NBEAL2: variants seen among roughly 807,000 people sequenced by gnomAD.
The protein encoded by NBEAL2 is neurobeachin like 2, also known as neurobeachin-like protein 2.
A neutral mutation model predicts 299.8 loss-of-function variants in NBEAL2; 160 were observed. That is an observed-to-expected ratio of 0.53 (90% CI 0.47 to 0.61). The LOEUF (loss-of-function observed/expected upper bound fraction) is 0.61, where lower values mean the gene tolerates loss of function less well. NBEAL2 is among the 20% of genes least tolerant of loss of function. The pLI is 0.00. For synonymous variants in NBEAL2, 1,493 were observed against 1,542.3 expected (o/e 0.97, Z 0.75); for missense variants, 3,112 against 3,649.0 (o/e 0.85, Z 3.79).
rs375739584 is a variant in NBEAL2, at chr3:46,999,880, C to G, written c.3790-9C>G. The G allele has an allele frequency of 1.2e-6, 2 of 1,602,202 alleles. No individual in the cohort carries two copies. The highest frequency in any genetic ancestry group is 2.7e-5 in the African/African-American group (2 of 74,762). On this transcript the variant is annotated splice_polypyrimidine_tract_variant and intron_variant, in intron 26 of 53. Transcript: ENST00000450053. ...GATGCGTCCTCACTTGCTGTGCTCT[C>G]GCCTGCAGCTTTTCCACCTCATCTA...
At chr3:47,007,428 A>G in intron 47 of NBEAL2, 78 bp downstream of exon 47, 1 of 1,552,840 alleles carries the variant, frequency 6.4e-7, no homozygotes, top group East Asian at 2.4e-5. Context: ...ATCAGAATGT[A>G]GGCCAGCTGC....
intron 1 of NBEAL2, among the ~76,000 whole-genome samples, chr3:46,980,972 G>T (rs1299500152): frequency 6.6e-6 from 1 of 152,214 alleles, no homozygotes; most frequent in Non-Finnish European, 1.5e-5. Context: ...CCATAAGGAG[G>T]CTGGCCCACT....
Position 47,005,286 on chromosome 3 carries a change from C to T in NBEAL2, c.6525C>T (p.Pro2175=). The T allele has an allele frequency of 6.2e-7, 1 of 1,613,066 alleles. No individual in the cohort carries two copies. The highest frequency in any genetic ancestry group is 8.5e-7 in the Non-Finnish European group (1 of 1,179,768). The part of the protein sequence containing the change: ...GVMHYLIRVE[P]FTSLHVQLQS... ...TGCACTACCTCATCCGCGTGGAGCC[C>T]TTCACCTCCCTGCACGTCCAGCTGC... Residue 2175 remains proline, a synonymous_variant, in exon 40 of 54, where the codon CCC becomes CCT. Transcript: ENST00000450053.
At position 47,001,342 on chromosome 3, in the gene NBEAL2, G is replaced by A; in HGVS notation, c.4548G>A (p.Leu1516=). 1.2e-6 allele frequency: 2 copies of A among 1,613,240 alleles called. No homozygotes were observed. The highest frequency in any genetic ancestry group is 1.7e-6 in the Non-Finnish European group (2 of 1,179,810). The change falls in exon 29 of 54, where the codon CTG becomes CTA. Residue 1516 remains leucine (L), a synonymous_variant. Transcript: ENST00000450053. The surrounding 1 kb of genome is among the most constrained non-coding windows in gnomAD (Gnocchi z 6.1). ...TCAAAGAGGCCCCCGTGGGGGTCCT[G>A]GCCAGCCTCACCCAGCAAGCGCTTT... ...TDIKEAPVGV[L]ASLTQQALWL...
At position 47,004,440 on chromosome 3, in the gene NBEAL2, C is replaced by T. The variant is rs373929403; in HGVS notation, c.6198+47C>T. 103 of 1,596,844 alleles carry T rather than the reference C, an allele frequency of 6.5e-5. No homozygotes were observed. In the African/African-American group the frequency reaches 9.4e-4, roughly 15 times the overall value. On this transcript the variant is annotated intron_variant, in intron 37 of 53. Transcript: ENST00000450053. This position sits in a 1 kb window ranked among gnomAD's most constrained non-coding sequence, Gnocchi z 5.0. ...GATGTGAAGTCGGGACCCTGAATCA[C>T]GGGGCAGTGCTGGACAGCCCACCTG... is the stretch of plus-strand genomic sequence containing the variant.
chr3:47,008,233 C>A (rs766588289), intron 50 of NBEAL2, 47 bp downstream of exon 50: 7 of 1,612,634 alleles, frequency 4.3e-6, no homozygotes, highest in Non-Finnish European at 4.2e-6. Context: ...CCTGGGCAAT[C>A]CCCCTGGAGC....
intron 1 of NBEAL2, 21 bp downstream of exon 1, chr3:46,979,933 G>GCCCGCA (rs757306698): frequency 3.3e-5 from 12 of 362,660 alleles, no homozygotes; most frequent in South Asian, 2.9e-4. Flanking sequence ...CCCGCCCCGC[G>GCCCGCA]CCCGCACCCG....
At chr3:46,993,541 C>G (rs2036260990) in intron 10 of NBEAL2, among the ~76,000 whole-genome samples, 1 of 152,216 alleles carries the variant, frequency 6.6e-6, no homozygotes, top group Non-Finnish European at 1.5e-5. Flanking sequence ...TCTCTGACCC[C>G]TGTCAATCAC....
At chr3:47,002,905 T>C in intron 33 of NBEAL2, 52 bp from the exon 34 acceptor site, 1 of 1,597,960 alleles carries the variant, frequency 6.3e-7, no homozygotes. Flanking sequence ...CAGGGAGGGA[T>C]GGGGGTGTCT....
chr3:47,005,516 C>T lies in NBEAL2; in HGVS notation c.6588C>T (p.His2196=). 3 of 1,611,608 alleles carry T rather than the reference C, an allele frequency of 1.9e-6. No homozygotes were observed. Among genetic ancestry groups the T allele is most frequent in the Non-Finnish European group, 2.5e-6 (3 of 1,179,168 alleles). ...TTGACTGCTCCGACCGGCAGTTCCA[C>T]TCGGTGGCGGCAGCCTGGCAGGCAC... ...GRFDCSDRQF[H]SVAAAWQARL... is the part of the protein sequence containing the mutation. Residue 2196 remains histidine (H), a synonymous_variant, in exon 41 of 54, where the codon CAC becomes CAT. Coordinates refer to ENST00000450053, the MANE Select transcript of NBEAL2 (RefSeq NM_015175.3).
chr3:46,980,733 C>T (rs1237133380), intron 1 of NBEAL2, among the ~76,000 whole-genome samples: 1 of 152,064 alleles, frequency 6.6e-6, no homozygotes, highest in Non-Finnish European at 1.5e-5. Context: ...CAGCTGAGAA[C>T]CTGGTATCAC....
chr3:46,988,039 C>G lies in NBEAL2; in HGVS notation c.52-630C>G. The G allele has an allele frequency of 7.8e-7, 1 of 1,275,264 alleles. No homozygotes were observed. The highest frequency in any genetic ancestry group is 1.0e-6 in the Non-Finnish European group (1 of 982,128). The allele number at this position is 1,275,264 out of a possible 1,614,324, so 79.0% of individuals were successfully genotyped here. A position where few individuals can be genotyped will look rare whatever the true frequency, so the allele number is the denominator to read the frequency against. Reference sequence around the variant, plus strand: ...CTAGACCTGGGCTTAGCCACTGCCCCTCTTGCCCATGGAACCAGCTCTGGG... The same window carrying G: ...CTAGACCTGGGCTTAGCCACTGCCCGTCTTGCCCATGGAACCAGCTCTGGG... On this transcript the variant is annotated intron_variant, in intron 1 of 53. Coordinates refer to ENST00000450053, the MANE Select transcript of NBEAL2 (RefSeq NM_015175.3). This position sits in a 1 kb window ranked among gnomAD's most constrained non-coding sequence, Gnocchi z 4.4.
intron 52 of NBEAL2, 74 bp from the exon 53 acceptor site, chr3:47,008,915 G>C: frequency 6.4e-7 from 1 of 1,572,662 alleles, no homozygotes; most frequent in Non-Finnish European, 8.6e-7. Context: ...GAGGGTATAT[G>C]GGATAAGGGA....
In NBEAL2 at chr3:46,999,942, G is replaced by C; in HGVS notation, c.3843G>C (p.Gln1281His). Residue 1281 changes from glutamine to histidine, a missense_variant, in exon 27 of 54, where the codon CAG (glutamine) becomes CAC (histidine). By Grantham distance (24) the Gln-to-His change is conservative (BLOSUM62 0). Transcript: ENST00000450053. ...QPDVVRLLAR[Q>H]AGWQDVLTRL... ...ATGTAGTGCGGCTTCTGGCCCGACA[G>C]GCTGGCTGGCAAGATGTGCTGACCC... The C allele has an allele frequency of 6.2e-7, 1 of 1,611,540 alleles. No individual in the cohort carries two copies. Among genetic ancestry groups the C allele is most frequent in the Non-Finnish European group, 8.5e-7 (1 of 1,179,252 alleles).
At chr3:47,005,877 G>A (rs1035613919) in intron 42 of NBEAL2, 30 bp downstream of exon 42, 2 of 1,612,658 alleles carry the variant, frequency 1.2e-6, no homozygotes, top group African/African-American at 1.3e-5. Context: ...CAAACGGCAG[G>A]CAGCCGGGGT....
In NBEAL2 at chr3:47,000,285, C is replaced by T. The variant is rs1436746563; in HGVS notation, c.4186C>T (p.Arg1396Trp). 1.3e-5 allele frequency: 21 copies of T among 1,612,560 alleles called. No homozygotes were observed. Among genetic ancestry groups the T allele is most frequent in the Non-Finnish European group, 1.6e-5 (19 of 1,179,662 alleles). The change falls in exon 27 of 54, where the codon CGG becomes TGG. Residue 1396 changes from arginine to tryptophan, a missense_variant. Around this residue, in one of 3 missense-constraint regions of NBEAL2, gnomAD observed 2,243 missense variants for 2,538.1 expected, o/e 0.88. Transcript: ENST00000450053. This position sits in a 1 kb window ranked among gnomAD's most constrained non-coding sequence, Gnocchi z 4.5. ...CACTCCTTCGCCACTGGATGGGCCG[C>T]GGCCCTTTCCTGCTGCTCCTGGCCG... ...PGTPSPLDGP[R>W]PFPAAPGRHS... is the part of the protein sequence containing the mutation.
At position 47,004,776 on chromosome 3, in the gene NBEAL2, C is replaced by A. The variant is rs1316536304; in HGVS notation, c.6294+186C>A. 8.8e-5 allele frequency: 90 copies of A among 1,023,588 alleles called. No homozygotes were observed. The highest frequency in any genetic ancestry group is 2.0e-5 in the Non-Finnish European group (14 of 695,106). 63.4% of individuals were successfully genotyped at this position (1,023,588 alleles called of 1,614,324 possible). ...GTCCCCAGCCTCACTCCCTTCCCCT[C>A]CCTGCCTAGCCTCTATTCCTCAAAA... is the stretch of plus-strand genomic sequence containing the variant. On this transcript the variant is annotated intron_variant, in intron 38 of 53. Transcript: ENST00000450053. This position sits in a 1 kb window ranked among gnomAD's most constrained non-coding sequence, Gnocchi z 5.0.
chr3:46,990,033 T>TC (rs2035975473), intron 6 of NBEAL2, among the ~76,000 whole-genome samples: 1 of 152,066 alleles, frequency 6.6e-6, no homozygotes, highest in Admixed American at 6.5e-5. Flanking sequence ...TCACAGGTGG[T>TC]CCTGTGAACC....
Position 47,002,261 on chromosome 3 carries a change from C to G in NBEAL2, c.5124C>G (p.Pro1708=). The change falls in exon 31 of 54, where the codon CCC becomes CCG. Residue 1708 remains proline (P), a synonymous_variant. Transcript: ENST00000450053. ...FEDFQAFCAT[P]EWRHFIDKQV... Reference sequence around the variant, plus strand: ...ACTTCCAGGCTTTTTGTGCCACACCCGAATGGCGCCACTTCATCGACAAAC... The same window carrying G: ...ACTTCCAGGCTTTTTGTGCCACACCGGAATGGCGCCACTTCATCGACAAAC... The G allele has an allele frequency of 6.4e-7, 1 of 1,559,856 alleles. No individual in the cohort carries two copies. The highest frequency in any genetic ancestry group is 2.3e-5 in the East Asian group (1 of 44,212).
Sources: allele counts gnomAD v4.1 joint callset (sites outside exome capture counted in the v4.1 genomes callset), GRCh38; gene constraint gnomAD v4.1.1; regional missense constraint gnomAD v4.1.1; non-coding constraint Gnocchi (gnomAD v3.1); transcripts MANE v1.5; gene names NCBI Gene and HGNC (gene_info 2026-07-23, HGNC 2026-07-21).